The following CATSPERB variants were observed in gnomAD, a reference collection of about 807,000 sequenced individuals.
CATSPERB encodes catsper channel auxiliary subunit beta, also known as cation channel sperm-associated auxiliary subunit beta.
A neutral mutation model predicts 128.3 loss-of-function variants in CATSPERB; 93 were observed. That is an observed-to-expected ratio of 0.72 (90% confidence interval 0.61 to 0.86). CATSPERB has a LOEUF of 0.86. CATSPERB is among the 40% of genes least tolerant of loss of function. The pLI, the probability that CATSPERB is intolerant of heterozygous loss-of-function variation, is 0.00. For synonymous variants in CATSPERB, 381 were observed against 448.8 expected (o/e 0.85, Z 1.91); for missense variants, 1,153 against 1,329.5 (o/e 0.87, Z 2.06).
chr14:91,582,081 C>A (rs1006581305), intron 26 of CATSPERB, among the ~76,000 whole-genome samples: 1 of 152,192 alleles, frequency 6.6e-6, no homozygotes, highest in Non-Finnish European at 1.5e-5. Flanking sequence ...TCTTTCAGTA[C>A]TGCTACTGTG....
intron 22 of CATSPERB, among the ~76,000 whole-genome samples, chr14:91,607,944 A>T (rs1387179769): frequency 6.6e-6 from 1 of 152,060 alleles, no homozygotes; most frequent in Non-Finnish European, 1.5e-5. Flanking sequence ...ATGTGCCTGC[A>T]TTGGAGCAGG....
At chr14:91,623,884 T>C (rs1177593000) in intron 18 of CATSPERB, among the ~76,000 whole-genome samples, 2 of 152,196 alleles carry the variant, frequency 1.3e-5, no homozygotes, top group Non-Finnish European at 2.9e-5. Context: ...CTATAGAACA[T>C]TGATTCAAAA....
chr14:91,636,307 G>T, intron 17 of CATSPERB, 118 bp downstream of exon 17: 1 of 850,910 alleles, frequency 1.2e-6, no homozygotes, highest in South Asian at 1.7e-5. Flanking sequence ...AGGCTGCAGT[G>T]AGCTGTCATC....
intron 21 of CATSPERB, among the ~76,000 whole-genome samples, chr14:91,609,877 T>G (rs2139776316): frequency 2.0e-5 from 3 of 152,164 alleles, no homozygotes; most frequent in Middle Eastern, 6.8e-3. Flanking sequence ...CGTGCCACCG[T>G]GCCGGGCTAA....
At chr14:91,603,476 A>G (rs773384880) in intron 22 of CATSPERB, 4 of 1,292,758 alleles carry the variant, frequency 3.1e-6, no homozygotes, top group African/African-American at 1.5e-5. Flanking sequence ...TCTGCTCCCT[A>G]AGTCTTAAAG....
intron 12 of CATSPERB, 44 bp downstream of exon 12, chr14:91,674,132 C>G (rs542837822): frequency 8.6e-7 from 1 of 1,165,658 alleles, no homozygotes; most frequent in Non-Finnish European, 1.3e-6. Context: ...AGTCCCCAAT[C>G]CCACAACAAA....
At chr14:91,688,871 T>C (rs1044517659) in intron 10 of CATSPERB, among the ~76,000 whole-genome samples, 1 of 150,976 alleles carries the variant, frequency 6.6e-6, no homozygotes, top group Admixed American at 6.6e-5. Flanking sequence ...TGTGAAATGA[T>C]TTTATTTAAA....
At chr14:91,683,152 C>T (rs1895313612) in intron 11 of CATSPERB, among the ~76,000 whole-genome samples, 1 of 152,206 alleles carries the variant, frequency 6.6e-6, no homozygotes, top group African/African-American at 2.4e-5. Flanking sequence ...ATATACTCTG[C>T]ACAAGGATGC....
intron 17 of CATSPERB, among the ~76,000 whole-genome samples, chr14:91,626,338 C>G (rs1025877942): frequency 1.4e-5 from 2 of 143,722 alleles, no homozygotes; most frequent in Non-Finnish European, 3.0e-5. Flanking sequence ...ATTTCCAATG[C>G]AAGAGTGTTG....
intron 5 of CATSPERB, among the ~76,000 whole-genome samples, chr14:91,716,268 G>C (rs1895936795): frequency 6.6e-6 from 1 of 152,216 alleles, no homozygotes; most frequent in Non-Finnish European, 1.5e-5. Context: ...GATGCTCAAT[G>C]TCATTAGTTG....
Position 91,617,583 on chromosome 14 carries a change from G to T in CATSPERB, c.2400+14C>A. On this transcript the variant is annotated intron_variant, in intron 20 of 26. Coordinates refer to ENST00000256343, the MANE Select transcript of CATSPERB (RefSeq NM_024764.4). Reference sequence around the variant, plus strand: ...CATCAGTAAGAAATGTTTTGTAAATGAAGAAAATCCTACCTGATGTAAAAC... The same window carrying T: ...CATCAGTAAGAAATGTTTTGTAAATTAAGAAAATCCTACCTGATGTAAAAC... The T allele has an allele frequency of 6.4e-7, 1 of 1,559,246 alleles. No homozygotes were observed. Among genetic ancestry groups the T allele is most frequent in the South Asian group, 1.2e-5 (1 of 81,682 alleles).
intron 17 of CATSPERB, among the ~76,000 whole-genome samples, chr14:91,627,354 T>C (rs929301391): frequency 6.6e-6 from 1 of 152,226 alleles, no homozygotes; most frequent in Admixed American, 6.5e-5. Flanking sequence ...AAACCTCTTT[T>C]TCCTCTATTC....
chr14:91,715,644 T>G (rs1040244350), intron 5 of CATSPERB, among the ~76,000 whole-genome samples: 2 of 151,900 alleles, frequency 1.3e-5, no homozygotes, highest in Non-Finnish European at 2.9e-5. Flanking sequence ...CACTGCAGGA[T>G]TTTTGTAGAA....
chr14:91,715,029 A>C (rs531349483), intron 5 of CATSPERB: 25 of 152,498 alleles, frequency 1.6e-4, no homozygotes, highest in African/African-American at 5.3e-4. Flanking sequence ...CGCGCTTAGG[A>C]GAGAATGCTG....
chr14:91,683,090 A>G (rs1315347627), intron 11 of CATSPERB, among the ~76,000 whole-genome samples: 1 of 152,176 alleles, frequency 6.6e-6, no homozygotes, highest in African/African-American at 2.4e-5. Context: ...ATATAGCACG[A>G]TTGGTATTTT....
At chr14:91,614,781 G>C (rs1474984424) in intron 20 of CATSPERB, among the ~76,000 whole-genome samples, 5 of 152,186 alleles carry the variant, frequency 3.3e-5, no homozygotes, top group African/African-American at 7.2e-5. Flanking sequence ...GGGCATCAGA[G>C]AGAGACCCTG....
intron 14 of CATSPERB, among the ~76,000 whole-genome samples, chr14:91,669,296 T>C (rs1895044785): frequency 6.6e-6 from 1 of 152,202 alleles, no homozygotes. Context: ...TGGCCCTTAC[T>C]TTTTAAAACT....
intron 7 of CATSPERB, among the ~76,000 whole-genome samples, chr14:91,703,707 G>A (rs1376988993): frequency 1.3e-5 from 2 of 152,106 alleles, no homozygotes; most frequent in Non-Finnish European, 2.9e-5. Flanking sequence ...AACTCCACGG[G>A]GACAGAAGCT....
At chr14:91,623,743 T>C (rs1218623949) in intron 18 of CATSPERB, among the ~76,000 whole-genome samples, 1 of 152,238 alleles carries the variant, frequency 6.6e-6, no homozygotes, top group South Asian at 2.1e-4. Flanking sequence ...TGTTGAGAGC[T>C]AAGTCAGATC....
Sources: gnomAD v4.1 joint callset for allele counts (sites outside exome capture counted in the v4.1 genomes callset) on GRCh38, gnomAD v4.1.1 for gene constraint, MANE v1.5 for transcripts, NCBI Gene and HGNC (gene_info 2026-07-23, HGNC 2026-07-21) for gene names.